The following SLCO6A1 variants were observed in gnomAD, a reference collection of about 807,000 sequenced individuals.
SLCO6A1 encodes the protein cancer/testis antigen 48.
Under a neutral mutation model 72.7 loss-of-function variants are expected in SLCO6A1, and 65 were observed. The ratio of observed to expected loss-of-function variants is 0.89; its 90% CI spans 0.73 to 1.10. SLCO6A1 has a LOEUF of 1.10. Among genes scored for constraint, SLCO6A1 ranks in the 50% least tolerant of loss-of-function variants. SLCO6A1 has a pLI of 0.00. For missense variants in SLCO6A1, 874 were observed against 872.6 expected (o/e 1.00, Z -0.02); for synonymous variants, 314 against 298.2 (o/e 1.05, Z -0.55).
At chr5:102,401,556 G>A (rs1208568765) in intron 9 of SLCO6A1, among the ~76,000 whole-genome samples, 1 of 152,038 alleles carries the variant, frequency 6.6e-6, no homozygotes, top group African/African-American at 2.4e-5. Context: ...AGGCCAGGGT[G>A]GTAATCAGAG....
intron 6 of SLCO6A1, among the ~76,000 whole-genome samples, chr5:102,455,027 T>TAA (rs1750634296): frequency 8.4e-4 from 119 of 141,808 alleles, no homozygotes; most frequent in Non-Finnish European, 1.0e-3. Context: ...TATATATATA[T>TAA]AAATTATGTT....
intron 3 of SLCO6A1, 127 bp from the exon 4 acceptor site, chr5:102,475,920 C>A: frequency 1.9e-6 from 1 of 523,182 alleles, no homozygotes; most frequent in Non-Finnish European, 3.3e-6. Context: ...CAGAGCTCTC[C>A]AGAGAAACAA....
At chr5:102,381,399 G>C (rs960842427) in intron 12 of SLCO6A1, among the ~76,000 whole-genome samples, 22 of 151,722 alleles carry the variant, frequency 1.5e-4, no homozygotes, top group African/African-American at 5.3e-4. Flanking sequence ...GCAAAAGACA[G>C]AATTTTCTTC....
At chr5:102,438,565 T>C in intron 7 of SLCO6A1, 52 bp downstream of exon 7, 4 of 1,400,048 alleles carry the variant, frequency 2.9e-6, no homozygotes, top group South Asian at 1.5e-5. Flanking sequence ...CATAAGTACA[T>C]ACAATAAGAC....
At chr5:102,482,009 T>C (rs1275751269) in intron 1 of SLCO6A1, among the ~76,000 whole-genome samples, 1 of 152,144 alleles carries the variant, frequency 6.6e-6, no homozygotes, top group African/African-American at 2.4e-5. Context: ...AAACAACATA[T>C]AAAAACTTTG....
intron 1 of SLCO6A1, among the ~76,000 whole-genome samples, chr5:102,491,765 G>A (rs961851095): frequency 1.1e-4 from 16 of 152,238 alleles, no homozygotes; most frequent in Non-Finnish European, 1.0e-4. Flanking sequence ...AGCCGGCTCC[G>A]GCCTTGGCCA....
At chr5:102,439,823 C>T (rs149187213) in intron 6 of SLCO6A1, among the ~76,000 whole-genome samples, 1 of 152,108 alleles carries the variant, frequency 6.6e-6, no homozygotes, top group African/African-American at 2.4e-5. Flanking sequence ...ATGACTATAC[C>T]ACCACAATGA....
chr5:102,394,120 C>G (rs1015678340), intron 10 of SLCO6A1, among the ~76,000 whole-genome samples: 3 of 152,142 alleles, frequency 2.0e-5, no homozygotes, highest in Non-Finnish European at 4.4e-5. Flanking sequence ...AGCTTCTGCT[C>G]TCTCCGGAAT....
chr5:102,401,617 G>T (rs146628740), intron 9 of SLCO6A1, among the ~76,000 whole-genome samples: 2 of 152,184 alleles, frequency 1.3e-5, no homozygotes, highest in East Asian at 1.9e-4. Flanking sequence ...GGTTTGAAAG[G>T]ATTTGCTGAA....
intron 4 of SLCO6A1, among the ~76,000 whole-genome samples, chr5:102,461,835 T>C (rs919800767): frequency 1.3e-5 from 2 of 152,170 alleles, no homozygotes; most frequent in Non-Finnish European, 2.9e-5. Context: ...TCAAATATTT[T>C]AACAAGTTTA....
rs764228556 is a variant in SLCO6A1, at chr5:102,498,665, C to A, written c.180G>T (p.Arg60Ser). The A allele has an allele frequency of 6.2e-7, 1 of 1,614,218 alleles. No homozygotes were observed. Among genetic ancestry groups the A allele is most frequent in the Admixed American group, 1.7e-5 (1 of 60,034 alleles). ...YLRLLPEALI[R>S]FGGFRKRKKA... ...TTTTCCTTTTTCGGAAACCGCCGAA[C>A]CTTATCAAGGCCTCTGGAAGTAGTC... The change falls in exon 1 of 14, where the codon AGG becomes AGT. Residue 60 changes from arginine to serine, a missense_variant. Transcript: ENST00000506729.
In SLCO6A1 at chr5:102,498,630, G is replaced by A. The variant is rs1753020673; in HGVS notation, c.215C>T (p.Ser72Phe). The A allele has an allele frequency of 6.2e-7, 1 of 1,614,122 alleles. No individual in the cohort carries two copies. The highest frequency in any genetic ancestry group is 1.1e-5 in the South Asian group (1 of 91,088). The stretch of plus-strand genomic sequence containing the variant: ...TTCTCCCGGCTTCTTGGAAACTGAG[G>A]ACTTGGCTTTTTTCCTTTTTCGGAA... ...GGFRKRKKAK[S>F]SVSKKPGEVD... The change falls in exon 1 of 14, where the codon TCC (serine) becomes TTC (phenylalanine). Residue 72 changes from serine (S) to phenylalanine (F), a missense_variant. Coordinates refer to ENST00000506729, the MANE Select transcript of SLCO6A1 (RefSeq NM_173488.5).
Position 102,458,505 on chromosome 5 carries a change from AG to A in SLCO6A1, c.1022-15del. 6.3e-7 allele frequency: 1 copy of A among 1,582,856 alleles called. No individual in the cohort carries two copies. The highest frequency in any genetic ancestry group is 1.1e-5 in the South Asian group (1 of 87,856). The stretch of plus-strand genomic sequence containing the variant: ...TCCGTGTTGAACCTATATATAAACA[AG>A]TAAAAAAACTTATGACATATTCAAA... On this transcript the variant is annotated splice_polypyrimidine_tract_variant and intron_variant, in intron 5 of 13. Transcript: ENST00000506729.
intron 6 of SLCO6A1, among the ~76,000 whole-genome samples, chr5:102,449,009 C>A (rs1182066261): frequency 6.6e-6 from 1 of 152,060 alleles, no homozygotes; most frequent in East Asian, 1.9e-4. Context: ...AATGGTGTTT[C>A]ATTTCCATGT....
chr5:102,395,050 T>C (rs543463773), intron 10 of SLCO6A1, among the ~76,000 whole-genome samples: 1 of 152,134 alleles, frequency 6.6e-6, no homozygotes, highest in South Asian at 2.1e-4. Context: ...AAAATTTGTT[T>C]TTATTATACT....
chr5:102,461,611 T>A (rs184501833), intron 4 of SLCO6A1, among the ~76,000 whole-genome samples: 2 of 152,236 alleles, frequency 1.3e-5, no homozygotes, highest in Admixed American at 1.3e-4. Flanking sequence ...GAAGGAAATC[T>A]ATGGATACAG....
intron 10 of SLCO6A1, among the ~76,000 whole-genome samples, chr5:102,393,643 G>C (rs762672894): frequency 1.9e-4 from 29 of 150,104 alleles, no homozygotes; most frequent in South Asian, 4.2e-4. Context: ...TTTTTTTTCT[G>C]TCTACCTTGT....
intron 6 of SLCO6A1, among the ~76,000 whole-genome samples, chr5:102,445,339 A>T (rs970699014): frequency 6.6e-6 from 1 of 152,038 alleles, no homozygotes; most frequent in South Asian, 2.1e-4. Context: ...AGCATTTTTC[A>T]TATGTTTTTT....
intron 7 of SLCO6A1, among the ~76,000 whole-genome samples, chr5:102,436,645 G>A (rs1011405956): frequency 1.3e-5 from 2 of 152,050 alleles, no homozygotes; most frequent in African/African-American, 4.8e-5. Context: ...TGATCCCCAT[G>A]AGCTACAAAT....
Sources: allele counts gnomAD v4.1 joint callset (sites outside exome capture counted in the v4.1 genomes callset), GRCh38; gene constraint gnomAD v4.1.1; transcripts MANE v1.5; gene names NCBI Gene and HGNC (gene_info 2026-07-23, HGNC 2026-07-21).